ABCC2: variants seen among roughly 807,000 people sequenced by gnomAD.
ABCC2 encodes the protein ATP binding cassette subfamily C member 2, also known as ATP-binding cassette sub-family C member 2.
ABCC2 carries 157 observed loss-of-function variants against 173.4 expected under a neutral mutation model. The observed-to-expected ratio is 0.91, with a 90% CI of 0.80 to 1.03. The LOEUF (loss-of-function observed/expected upper bound fraction) is 1.03, where lower values mean the gene tolerates loss of function less well. Among genes scored for constraint, ABCC2 ranks in the 50% least tolerant of loss-of-function variants. The pLI, the probability that ABCC2 is intolerant of heterozygous loss-of-function variation, is 0.00. For synonymous variants in ABCC2, 657 were observed against 693.5 expected (o/e 0.95, Z 0.83); for missense variants, 1,822 against 1,852.3 (o/e 0.98, Z 0.30).
intron 23 of ABCC2, among the ~76,000 whole-genome samples, chr10:99,832,645 C>T (rs2038759907): frequency 1.3e-5 from 2 of 152,206 alleles, no homozygotes; most frequent in Non-Finnish European, 2.9e-5. Context: ...AGTAGGATAA[C>T]CCTTTGCTTG....
intron 7 of ABCC2, 24 bp downstream of exon 7, chr10:99,797,355 G>A (rs1231827568): frequency 6.3e-7 from 1 of 1,593,304 alleles, no homozygotes; most frequent in South Asian, 1.1e-5. Flanking sequence ...GAGTGTCTGT[G>A]TGAGCGCGCT....
intron 29 of ABCC2, among the ~76,000 whole-genome samples, chr10:99,846,584 A>T (rs948782182): frequency 1.3e-5 from 2 of 152,276 alleles, no homozygotes; most frequent in East Asian, 1.9e-4. Context: ...CAAAAAATTT[A>T]AAAAATCAGC....
At chr10:99,813,787 C>A (rs1009548758) in intron 16 of ABCC2, among the ~76,000 whole-genome samples, 1 of 151,656 alleles carries the variant, frequency 6.6e-6, no homozygotes, top group African/African-American at 2.4e-5. Context: ...CAAAACTGTA[C>A]AATAAAAATA....
chr10:99,808,325 G>A, intron 13 of ABCC2, 96 bp downstream of exon 13: 2 of 1,513,096 alleles, frequency 1.3e-6, no homozygotes, highest in Non-Finnish European at 1.8e-6. Flanking sequence ...AACTTTTGCT[G>A]GTAAACTTTC....
chr10:99,823,903 C>CA (rs1405936820), intron 19 of ABCC2, among the ~76,000 whole-genome samples: 1 of 139,300 alleles, frequency 7.2e-6, no homozygotes, highest in Non-Finnish European at 1.5e-5. Context: ...CTTGTCTGAC[C>CA]AATTAATGTA....
chr10:99,790,325 T>A (rs1346756856), intron 2 of ABCC2, among the ~76,000 whole-genome samples: 1 of 152,250 alleles, frequency 6.6e-6, no homozygotes, highest in African/African-American at 2.4e-5. Context: ...CATGTTCATA[T>A]GTTTAAAAGC....
intron 16 of ABCC2, among the ~76,000 whole-genome samples, chr10:99,814,525 A>ATATACACATATACACACACATATGTG (rs2038333577): frequency 4.1e-4 from 10 of 24,396 alleles, no homozygotes; most frequent in African/African-American, 1.6e-3. Flanking sequence ...ATATATACAT[A>ATATACACATATACACACACATATGTG]TATATACACA....
At chr10:99,841,821 G>A (rs2038950028) in intron 25 of ABCC2, 146 bp from the exon 26 acceptor site, 3 of 976,538 alleles carry the variant, frequency 3.1e-6, no homozygotes, top group Admixed American at 4.0e-5. Context: ...GGAATACATG[G>A]TGTTTCTAAG....
Position 99,827,090 on chromosome 10 carries a change from T to C in ABCC2, c.2621-3217T>C, listed in dbSNP as rs1176596875. Among the ~76,000 whole-genome samples, 4 of 151,822 alleles carry C rather than the reference T, an allele frequency of 2.6e-5. No individual in the cohort carries two copies. In the East Asian group the frequency reaches 7.7e-4, roughly 29 times the overall value. ...GTCTCCTAGTGGGCGGCTGAGGGTA[T>C]GGCGCCCTGCCCTGTGGTGCTGGGG... On this transcript the variant is annotated intron_variant, in intron 19 of 31. Coordinates refer to ENST00000647814, the MANE Select transcript of ABCC2 (RefSeq NM_000392.5).
At chr10:99,811,730 G>T (rs1238169014) in intron 15 of ABCC2, 128 bp downstream of exon 15, 1 of 1,095,054 alleles carries the variant, frequency 9.1e-7, no homozygotes, top group South Asian at 1.3e-5. Context: ...AGATACTAGT[G>T]CAGGATAAAC....
chr10:99,833,050 G>A (rs921517920), intron 23 of ABCC2, among the ~76,000 whole-genome samples: 4 of 152,192 alleles, frequency 2.6e-5, no homozygotes, highest in African/African-American at 4.8e-5. Flanking sequence ...GAGCAGCTCT[G>A]GACTCTTGTT....
Position 99,807,323 on chromosome 10 carries a change from G to C in ABCC2, c.1531-61G>C. ...TATATCTTAAAACATGGGTGGATCA[G>C]ATACACCTGGTGCCCTTTCAGGGGC... On this transcript the variant is annotated intron_variant, in intron 11 of 31. Transcript: ENST00000647814. 3 of 1,606,900 alleles carry C rather than the reference G, an allele frequency of 1.9e-6. No homozygotes were observed. The South Asian group carries it at 3.3e-5, about 18-fold the overall frequency.
At chr10:99,823,897 T>A (rs1166793269) in intron 19 of ABCC2, among the ~76,000 whole-genome samples, 9 of 138,846 alleles carry the variant, frequency 6.5e-5, no homozygotes, top group African/African-American at 2.5e-4. Context: ...CGTAATCTTG[T>A]CTGACCAATT....
At chr10:99,791,923 C>T (rs1245008996) in intron 2 of ABCC2, among the ~76,000 whole-genome samples, 1 of 152,216 alleles carries the variant, frequency 6.6e-6, no homozygotes, top group African/African-American at 2.4e-5. Flanking sequence ...ACCAGAAGTA[C>T]ATCCCTAAGT....
intron 23 of ABCC2, among the ~76,000 whole-genome samples, chr10:99,833,727 T>C (rs762050481): frequency 6.6e-6 from 1 of 152,234 alleles, no homozygotes; most frequent in Non-Finnish European, 1.5e-5. Flanking sequence ...TTATCCCTGA[T>C]ACAGTTTGAG....
rs750170304 is a variant in ABCC2, at chr10:99,800,483, T to C, written c.1129T>C (p.Cys377Arg). Residue 377 changes from cysteine (C) to arginine (R), a missense_variant, in exon 9 of 32, where the codon TGC becomes CGC. Cys to Arg is a radical substitution (Grantham distance 180). Transcript: ENST00000647814. ...CACTGCGGCTCTCATTCAGTCTTTC[T>C]GCCTTCAGTGTTATTTCCAACTGTG... The part of the protein sequence containing the change: ...LFTAALIQSF[C>R]LQCYFQLCFK... 5 of 1,614,118 alleles carry C rather than the reference T, an allele frequency of 3.1e-6. No individual in the cohort carries two copies. Among genetic ancestry groups the C allele is most frequent in the African/African-American group, 1.3e-5 (1 of 74,938 alleles).
At chr10:99,808,472 T>C (rs1471793962) in intron 13 of ABCC2, among the ~76,000 whole-genome samples, 1 of 152,170 alleles carries the variant, frequency 6.6e-6, no homozygotes, top group Non-Finnish European at 1.5e-5. Flanking sequence ...GGAGACAATC[T>C]TGTGAAAGCA....
At position 99,793,653 on chromosome 10, in the gene ABCC2, C is replaced by CA. The variant is rs1286056494; in HGVS notation, c.438dup (p.Phe147IlefsTer12). The CA allele has an allele frequency of 6.2e-7, 1 of 1,614,088 alleles. No homozygotes were observed. Among genetic ancestry groups the CA allele is most frequent in the South Asian group, 1.1e-5 (1 of 91,080 alleles). On this transcript the variant is annotated frameshift_variant, in exon 4 of 32. Transcript: ENST00000647814. LOFTEE classifies it high-confidence loss of function. ...TCTCTCGATACTCTGTGGCACTTTC[C>CA]AATTTCAGACTCTGATCCGGACACT...
At chr10:99,811,463 G>A (rs1461470512) in intron 14 of ABCC2, 73 bp from the exon 15 acceptor site, 31 of 1,451,914 alleles carry the variant, frequency 2.1e-5, no homozygotes, top group South Asian at 8.0e-5. Context: ...TGGAGAAAGC[G>A]GAGAGAGACA....
Sources: allele counts gnomAD v4.1 joint callset (sites outside exome capture counted in the v4.1 genomes callset), GRCh38; gene constraint gnomAD v4.1.1; transcripts MANE v1.5; gene names NCBI Gene and HGNC (gene_info 2026-07-23, HGNC 2026-07-21).